UNC5C: variants seen among roughly 807,000 people sequenced by gnomAD.
The protein encoded by UNC5C is unc-5 netrin receptor C.
A neutral mutation model predicts 99.8 loss-of-function variants in UNC5C; 47 were observed. The observed-to-expected ratio is 0.47, with a 90% CI of 0.37 to 0.60. The LOEUF (loss-of-function observed/expected upper bound fraction) is 0.60, where lower values mean the gene tolerates loss of function less well. Ranked by LOEUF, UNC5C falls within the 20% of genes least tolerant of loss-of-function variation. The probability of loss-of-function intolerance (pLI) is 0.00; values close to 1 mark genes in which losing one functional copy is unlikely to be tolerated. For synonymous variants in UNC5C, 487 were observed against 452.2 expected, an observed-to-expected ratio of 1.08 and a Z score of -0.98; for missense variants, 1,062 against 1,165.9, an observed-to-expected ratio of 0.91 and a Z score of 1.30.
intron 5 of UNC5C, among the ~76,000 whole-genome samples, chr4:95,246,607 G>C (rs923100290): frequency 6.6e-6 from 1 of 151,482 alleles, no homozygotes; most frequent in African/African-American, 2.4e-5. Context: ...TTAAATAAAA[G>C]TAATGTTTAT....
chr4:95,492,644 A>G (rs573590825), intron 1 of UNC5C, among the ~76,000 whole-genome samples: 3 of 151,500 alleles, frequency 2.0e-5, no homozygotes, highest in African/African-American at 7.3e-5. Context: ...AATTCACGTT[A>G]TCACACACAC....
At chr4:95,414,617 C>T (rs1487595170) in intron 1 of UNC5C, among the ~76,000 whole-genome samples, 1 of 152,230 alleles carries the variant, frequency 6.6e-6, no homozygotes, top group Non-Finnish European at 1.5e-5. Flanking sequence ...GGGATGTGAA[C>T]ACTTCGTGAT....
rs979960678 is a variant in UNC5C at position 95,172,474 on chromosome 4, C to T, written c.2452-2142G>A. ...TCTACATATGGTTAGGCAGTTTCCTCAGCACCATTTATTAAATAGGGAATC... is the reference window on the plus strand; with the variant it reads ...TCTACATATGGTTAGGCAGTTTCCTTAGCACCATTTATTAAATAGGGAATC... On this transcript the variant is annotated intron_variant, in intron 14 of 15. Coordinates refer to ENST00000453304, the MANE Select transcript of UNC5C (RefSeq NM_003728.4). Among the ~76,000 whole-genome samples the T allele has an allele frequency of 2.0e-5, 3 of 152,198 alleles. No homozygotes were observed. The South Asian group carries it at 6.2e-4, about 32-fold the overall frequency.
At chr4:95,222,493 A>G (rs771767454) in intron 7 of UNC5C, among the ~76,000 whole-genome samples, 12 of 152,174 alleles carry the variant, frequency 7.9e-5, no homozygotes, top group Non-Finnish European at 1.8e-4. Flanking sequence ...ACTGGTCTCG[A>G]GTCACTAACT....
chr4:95,309,953 A>C (rs1318018167), intron 2 of UNC5C, among the ~76,000 whole-genome samples: 1 of 152,228 alleles, frequency 6.6e-6, no homozygotes, highest in Non-Finnish European at 1.5e-5. Flanking sequence ...AAAGTAAATG[A>C]ATCAGTATTT....
intron 3 of UNC5C, among the ~76,000 whole-genome samples, chr4:95,285,659 G>A (rs1741204435): frequency 6.6e-6 from 1 of 152,098 alleles, no homozygotes; most frequent in Non-Finnish European, 1.5e-5. Flanking sequence ...TTCAAACTGA[G>A]TGTTATGACC....
chr4:95,258,686 T>A (rs1442710796), intron 4 of UNC5C, among the ~76,000 whole-genome samples: 1 of 151,668 alleles, frequency 6.6e-6, no homozygotes, highest in Non-Finnish European at 1.5e-5. Context: ...ATGACCTGTT[T>A]GCCTATTCTG....
intron 1 of UNC5C, among the ~76,000 whole-genome samples, chr4:95,415,185 T>C (rs1746126422): frequency 6.6e-6 from 1 of 152,172 alleles, no homozygotes; most frequent in Admixed American, 6.5e-5. Flanking sequence ...TCTAAAATTC[T>C]AGGCATGCAA....
intron 3 of UNC5C, among the ~76,000 whole-genome samples, chr4:95,282,179 A>G (rs1363326603): frequency 6.6e-6 from 1 of 152,226 alleles, no homozygotes; most frequent in Non-Finnish European, 1.5e-5. Context: ...CTGTCATCCA[A>G]TGATATAGAG....
chr4:95,464,689 GAATT>G (rs1376164420), intron 1 of UNC5C, among the ~76,000 whole-genome samples: 1 of 152,066 alleles, frequency 6.6e-6, no homozygotes, highest in African/African-American at 2.4e-5. Context: ...TGGCTTTTGA[GAATT>G]ATTTGTATGA....
At chr4:95,253,437 A>T (rs56213435) in intron 4 of UNC5C, among the ~76,000 whole-genome samples, 4,687 of 152,190 alleles carry the variant, frequency 0.031, 237 homozygotes, top group African/African-American at 0.11. Flanking sequence ...TCGATTATAC[A>T]TAATTACACA....
intron 1 of UNC5C, among the ~76,000 whole-genome samples, chr4:95,458,928 T>C (rs550906485): frequency 6.6e-6 from 1 of 152,188 alleles, no homozygotes; most frequent in African/African-American, 2.4e-5. Flanking sequence ...AACATATAAA[T>C]AAATGAAGTA....
At chr4:95,450,676 ACAAACTGCAGTG>A (rs1271772206) in intron 1 of UNC5C, among the ~76,000 whole-genome samples, 1 of 152,228 alleles carries the variant, frequency 6.6e-6, no homozygotes, top group Non-Finnish European at 1.5e-5. Flanking sequence ...ACGTGTTTCC[ACAAACTGCAGTG>A]CATGGCATGG....
At chr4:95,286,608 C>T (rs1055781736) in intron 3 of UNC5C, among the ~76,000 whole-genome samples, 1 of 152,152 alleles carries the variant, frequency 6.6e-6, no homozygotes, top group Non-Finnish European at 1.5e-5. Context: ...ACTTGAGTTT[C>T]ATATGTCTCC....
intron 1 of UNC5C, among the ~76,000 whole-genome samples, chr4:95,388,567 T>C (rs189789971): frequency 1.3e-5 from 2 of 152,320 alleles, no homozygotes; most frequent in Non-Finnish European, 2.9e-5. Context: ...CGTACAGTAT[T>C]TGCTTTCCTT....
intron 1 of UNC5C, among the ~76,000 whole-genome samples, chr4:95,427,448 T>C (rs1746515847): frequency 6.6e-6 from 1 of 152,172 alleles, no homozygotes; most frequent in African/African-American, 2.4e-5. Context: ...AAGAGTCAGT[T>C]GTTGCGGCAA....
At chr4:95,429,461 A>G (rs557492555) in intron 1 of UNC5C, among the ~76,000 whole-genome samples, 1 of 152,244 alleles carries the variant, frequency 6.6e-6, no homozygotes, top group Admixed American at 6.5e-5. Flanking sequence ...GAAATTAACT[A>G]TAAGAAAATA....
At chr4:95,441,606 AC>A (rs770612856) in intron 1 of UNC5C, among the ~76,000 whole-genome samples, 89 of 152,276 alleles carry the variant, frequency 5.8e-4, no homozygotes, top group Non-Finnish European at 1.0e-3. Flanking sequence ...TCTTGCAAAA[AC>A]TAGGTATAAT....
chr4:95,419,242 A>G (rs1746252606), intron 1 of UNC5C, among the ~76,000 whole-genome samples: 1 of 152,168 alleles, frequency 6.6e-6, no homozygotes, highest in South Asian at 2.1e-4. Context: ...GTATCAGGGA[A>G]GTTAAGATGA....
Sources: allele counts gnomAD v4.1 joint callset (sites outside exome capture counted in the v4.1 genomes callset), GRCh38; gene constraint gnomAD v4.1.1; transcripts MANE v1.5; gene names NCBI Gene and HGNC (gene_info 2026-07-23, HGNC 2026-07-21).